Variants in CHSY3 observed in about 807,000 individuals in gnomAD.
CHSY3 encodes the protein N-acetylgalactosaminyl-proteoglycan 3-beta-glucuronosyltransferase 3.
A neutral mutation model predicts 67.2 loss-of-function variants in CHSY3; 35 were observed. The ratio of observed to expected loss-of-function variants is 0.52; its 90% confidence interval spans 0.40 to 0.69. The LOEUF (loss-of-function observed/expected upper bound fraction) is 0.69. Among genes scored for constraint, CHSY3 ranks in the 30% least tolerant of loss-of-function variants. CHSY3 has a pLI of 0.00. For missense variants in CHSY3, 1,069 were observed against 1,138.5 expected (o/e 0.94, Z 0.88); for synonymous variants, 474 against 434.7 (o/e 1.09, Z -1.12).
intron 2 of CHSY3, among the ~76,000 whole-genome samples, chr5:130,164,569 T>C (rs955392617): frequency 1.3e-5 from 2 of 152,178 alleles, no homozygotes; most frequent in African/African-American, 4.8e-5. Flanking sequence ...AAAGACCAGA[T>C]TTATTCTGGT....
intron 2 of CHSY3, among the ~76,000 whole-genome samples, chr5:129,924,783 A>G (rs1007281487): frequency 6.6e-6 from 1 of 152,042 alleles, no homozygotes; most frequent in African/African-American, 2.4e-5. Context: ...AGAGAAGTGC[A>G]TGCACTTCTA....
At chr5:130,106,035 A>C (rs928992631) in intron 2 of CHSY3, among the ~76,000 whole-genome samples, 4 of 151,558 alleles carry the variant, frequency 2.6e-5, no homozygotes, top group African/African-American at 9.7e-5. Flanking sequence ...AATATGTGAA[A>C]ATATTTTACT....
At chr5:130,070,766 A>G (rs1766035356) in intron 2 of CHSY3, among the ~76,000 whole-genome samples, 1 of 152,066 alleles carries the variant, frequency 6.6e-6, no homozygotes, top group Non-Finnish European at 1.5e-5. Context: ...TGAAGTGTTA[A>G]TAAAAGTAAG....
At position 129,904,630 on chromosome 5, in the gene CHSY3, GC is replaced by G. The variant is rs1217272163; in HGVS notation, c.-199del. On this transcript the variant is annotated 5_prime_UTR_variant, in exon 1 of 3. Transcript: ENST00000305031. ...GCTCGGAGCCCCGGCCCAGAGCTGA[GC>G]GGGAGCCCGGCAGGCAGCTGCAGCC... The G allele has an allele frequency of 2.4e-6, 2 of 847,692 alleles. No homozygotes were observed. Among genetic ancestry groups the G allele is most frequent in the Non-Finnish European group, 3.1e-6 (2 of 648,402 alleles). 52.5% of individuals were successfully genotyped at this position (847,692 alleles called of 1,614,324 possible). A position where few individuals can be genotyped will look rare whatever the true frequency, so the allele number is the denominator to read the frequency against.
At chr5:129,983,185 G>C (rs577731001) in intron 2 of CHSY3, among the ~76,000 whole-genome samples, 1 of 152,058 alleles carries the variant, frequency 6.6e-6, no homozygotes. Context: ...TCGTGTCTTT[G>C]CTTCACCTCT....
chr5:129,942,992 A>G (rs528670294), intron 2 of CHSY3, among the ~76,000 whole-genome samples: 5 of 152,296 alleles, frequency 3.3e-5, no homozygotes, highest in African/African-American at 1.2e-4. Context: ...GTTTTCCACA[A>G]AAGTTATATA....
chr5:130,065,429 A>C (rs1227402110), intron 2 of CHSY3, among the ~76,000 whole-genome samples: 1 of 152,042 alleles, frequency 6.6e-6, no homozygotes, highest in Admixed American at 6.6e-5. Flanking sequence ...CTTTCCTTAG[A>C]ATTTCTGATT....
chr5:129,924,458 C>T (rs1228518119), intron 2 of CHSY3, among the ~76,000 whole-genome samples: 3 of 151,792 alleles, frequency 2.0e-5, no homozygotes, highest in Non-Finnish European at 4.4e-5. Context: ...CCATCCTGGC[C>T]AACATGATGA....
intron 2 of CHSY3, among the ~76,000 whole-genome samples, chr5:130,118,527 A>G (rs1393494032): frequency 1.3e-5 from 2 of 151,600 alleles, no homozygotes; most frequent in African/African-American, 2.4e-5. Flanking sequence ...ACAGACACAT[A>G]TGTGTGTGTA....
intron 2 of CHSY3, among the ~76,000 whole-genome samples, chr5:129,914,349 G>C (rs972502279): frequency 6.6e-6 from 1 of 152,168 alleles, no homozygotes; most frequent in Non-Finnish European, 1.5e-5. Flanking sequence ...CCAACCTCAG[G>C]TGATCTGCCT....
chr5:129,973,126 G>T (rs1262331659), intron 2 of CHSY3, among the ~76,000 whole-genome samples: 1 of 151,944 alleles, frequency 6.6e-6, no homozygotes, highest in Non-Finnish European at 1.5e-5. Flanking sequence ...TAGCTATGGT[G>T]TTTATGAAAC....
At chr5:130,148,031 G>T (rs1437318797) in intron 2 of CHSY3, among the ~76,000 whole-genome samples, 1 of 152,086 alleles carries the variant, frequency 6.6e-6, no homozygotes, top group African/African-American at 2.4e-5. Flanking sequence ...GAAGGGTGCT[G>T]TTTCCCTTTA....
rs1015242661 is a variant in CHSY3, at chr5:130,158,127, G to A, written c.1087-26102G>A. Among the ~76,000 whole-genome samples, 2 of 152,168 alleles carry A rather than the reference G, an allele frequency of 1.3e-5. 1 individual carries two copies. Among genetic ancestry groups the A allele is most frequent in the Admixed American group, 1.3e-4 (2 of 15,270 alleles). On this transcript the variant is annotated intron_variant, in intron 2 of 2. Coordinates refer to ENST00000305031, the MANE Select transcript of CHSY3 (RefSeq NM_175856.5). ...AACCTGTTTTATCAGCAAGGTCTTT[G>A]TTACATGTATGTTGTGCTGATTTCC...
chr5:130,139,447 A>T (rs533840730), intron 2 of CHSY3, among the ~76,000 whole-genome samples: 33 of 152,372 alleles, frequency 2.2e-4, no homozygotes, highest in Admixed American at 1.2e-3. Flanking sequence ...AGATTAGAGT[A>T]TGTATGATAA....
chr5:130,125,795 G>A (rs1768262411), intron 2 of CHSY3, among the ~76,000 whole-genome samples: 2 of 152,140 alleles, frequency 1.3e-5, no homozygotes, highest in South Asian at 4.1e-4. Flanking sequence ...GCTCTCATAA[G>A]AATGGCTACT....
At chr5:130,143,386 G>A (rs1768933557) in intron 2 of CHSY3, among the ~76,000 whole-genome samples, 1 of 152,060 alleles carries the variant, frequency 6.6e-6, no homozygotes, top group East Asian at 1.9e-4. Flanking sequence ...AGAGTTCTAA[G>A]ACAGGCCAAA....
At chr5:130,035,679 G>A (rs1764841778) in intron 2 of CHSY3, among the ~76,000 whole-genome samples, 1 of 152,064 alleles carries the variant, frequency 6.6e-6, no homozygotes, top group Non-Finnish European at 1.5e-5. Flanking sequence ...TTCTGTTCAT[G>A]AGAAATCTGA....
chr5:129,997,811 T>C (rs1763589603), intron 2 of CHSY3, among the ~76,000 whole-genome samples: 1 of 152,184 alleles, frequency 6.6e-6, no homozygotes, highest in Admixed American at 6.5e-5. Flanking sequence ...TCCAGCTTCA[T>C]CCATGTCCCC....
chr5:130,048,858 C>A (rs1457593904), intron 2 of CHSY3, among the ~76,000 whole-genome samples: 1 of 151,748 alleles, frequency 6.6e-6, no homozygotes, highest in Non-Finnish European at 1.5e-5. Context: ...AGATGGTGGT[C>A]AAATAATACA....
Sources: allele counts gnomAD v4.1 joint callset (sites outside exome capture counted in the v4.1 genomes callset), GRCh38; gene constraint gnomAD v4.1.1; transcripts MANE v1.5; gene names NCBI Gene and HGNC (gene_info 2026-07-23, HGNC 2026-07-21).